Variants in ERFL observed in about 807,000 individuals in gnomAD.
The protein encoded by ERFL is ETS domain-containing transcription factor ERF-like.
A neutral mutation model predicts 27.9 loss-of-function variants in ERFL; 8 were observed. The ratio of observed to expected loss-of-function variants is 0.29; its 90% CI spans 0.17 to 0.52. The LOEUF is 0.52. ERFL is among the 20% of genes least tolerant of loss of function. The pLI is 0.97. For synonymous variants in ERFL, 174 were observed against 202.8 expected (o/e 0.86, Z 1.21); for missense variants, 294 against 444.4 (o/e 0.66, Z 3.04).
At chr19:41,911,106 C>G (rs1291429667) in intron 2 of ERFL, among the ~76,000 whole-genome samples, 1 of 152,162 alleles carries the variant, frequency 6.6e-6, no homozygotes, top group East Asian at 1.9e-4. Flanking sequence ...GAGCAACTTC[C>G]CAAACCTGCA....
In ERFL at chr19:41,914,637, CTCTCCCTCCCTTTCCACCATCTCT is replaced by C. The variant is rs1568831924; in HGVS notation, c.-13-1729_-13-1706del. 6.6e-4 allele frequency among the ~76,000 whole-genome samples: 32 copies of C among 48,182 alleles called. 6 individuals carry two copies. The highest frequency in any genetic ancestry group is 8.5e-4 in the Non-Finnish European group (24 of 28,274). The allele number at this position is 48,182 out of a possible 152,430, so 31.6% of individuals were successfully genotyped here. The stretch of plus-strand genomic sequence containing the variant: ...CCCCTTCCACCATCTCTGTCTCTGT[CTCTCCCTCCCTTTCCACCATCTCT>C]GTCTCTCCCTCCCCTTCCACCATCT... On this transcript the variant is annotated intron_variant, in intron 1 of 5. Coordinates refer to ENST00000597630, the MANE Select transcript of ERFL (RefSeq NM_001365103.2).
chr19:41,924,656 T>C (rs1223658653), intron 1 of ERFL, among the ~76,000 whole-genome samples: 1 of 152,122 alleles, frequency 6.6e-6, no homozygotes, highest in Non-Finnish European at 1.5e-5. Flanking sequence ...CTGATGCACA[T>C]TGAAGTCAGA....
chr19:41,925,661 G>T (rs1192975657), intron 1 of ERFL, among the ~76,000 whole-genome samples: 3 of 152,146 alleles, frequency 2.0e-5, no homozygotes, highest in Non-Finnish European at 4.4e-5. Flanking sequence ...GGTGGGGAAG[G>T]TGCTTCTGTT....
Position 41,910,062 on chromosome 19 carries a change from A to G in ERFL, c.103T>C (p.Ser35Pro), listed in dbSNP as rs1162823412. 6.2e-7 allele frequency: 1 copy of G among 1,613,106 alleles called. No homozygotes were observed. Among genetic ancestry groups the G allele is most frequent in the African/African-American group, 1.3e-5 (1 of 74,918 alleles). Reference sequence around the variant, plus strand: ...TGGATCTGCCTCGAGCCAGGGGATGACTCTGGCTTGTAGGCCCAATCCGGG... The same window carrying G: ...TGGATCTGCCTCGAGCCAGGGGATGGCTCTGGCTTGTAGGCCCAATCCGGG... ...AFPDWAYKPE[S>P]SPGSRQIQLW... Residue 35 changes from serine to proline, a missense_variant, in exon 3 of 6, where the codon TCA (serine) becomes CCA (proline). Ser to Pro is a moderately conservative substitution (Grantham distance 74, BLOSUM62 -1). Transcript: ENST00000597630. This position sits in a 1 kb window ranked among gnomAD's most constrained non-coding sequence, Gnocchi z 4.4.
chr19:41,921,137 G>A lies in ERFL; in HGVS notation c.-14+6903C>T, dbSNP rs545137872. On this transcript the variant is annotated intron_variant, in intron 1 of 5. Transcript: ENST00000597630. The surrounding 1 kb of genome is among the most constrained non-coding windows in gnomAD (Gnocchi z 4.4). ...ACAGCTCTGGGGGAGGGGAGAGGGA[G>A]GGTGGAGGCGCCACCGTGAGGCGAG... 6.6e-6 allele frequency among the ~76,000 whole-genome samples: 1 copy of A among 152,108 alleles called. No homozygotes were observed. Among genetic ancestry groups the A allele is most frequent in the African/African-American group, 2.4e-5 (1 of 41,494 alleles).
chr19:41,923,628 G>A (rs1423824925), intron 1 of ERFL, among the ~76,000 whole-genome samples: 2 of 114,910 alleles, frequency 1.7e-5, no homozygotes, highest in African/African-American at 7.1e-5. Flanking sequence ...AGGGTGGGTG[G>A]AAAGGAAAGG....
intron 1 of ERFL, among the ~76,000 whole-genome samples, chr19:41,918,249 CCATA>C (rs1555852122): frequency 6.6e-6 from 1 of 151,564 alleles, no homozygotes; most frequent in African/African-American, 2.4e-5. Context: ...CACAAACACA[CCATA>C]CATACACACC....
At chr19:41,915,906 T>C (rs1282475100) in intron 1 of ERFL, among the ~76,000 whole-genome samples, 1 of 152,036 alleles carries the variant, frequency 6.6e-6, no homozygotes, top group African/African-American at 2.4e-5. Context: ...CCAGTGGCTG[T>C]GGATGGGGAG....
Position 41,908,255 on chromosome 19 carries a change from C to T in ERFL, c.1038G>A (p.Lys346=). The T allele has an allele frequency of 8.1e-7, 1 of 1,231,726 alleles. No individual in the cohort carries two copies. 76.3% of individuals were successfully genotyped at this position (1,231,726 alleles called of 1,614,324 possible). ...DEGLPAPPKA[K]AGKGGTGS Reference sequence around the variant, plus strand: ...AGCTGCCGGTCCCCCCTTTGCCCGCCTTTGCCTTGGGGGGTGCCGGGAGAC... The same window carrying T: ...AGCTGCCGGTCCCCCCTTTGCCCGCTTTTGCCTTGGGGGGTGCCGGGAGAC... Residue 346 remains lysine (K), a synonymous_variant, in exon 6 of 6, where the codon AAG becomes AAA. Coordinates refer to ENST00000597630, the MANE Select transcript of ERFL (RefSeq NM_001365103.2). This position sits in a 1 kb window ranked among gnomAD's most constrained non-coding sequence, Gnocchi z 6.7.
rs1336177787 is a variant in ERFL at position 41,917,656 on chromosome 19, G to A, written c.-13-4724C>T. Among the ~76,000 whole-genome samples the A allele has an allele frequency of 6.6e-6, 1 of 151,200 alleles. No homozygotes were observed. Among genetic ancestry groups the A allele is most frequent in the Non-Finnish European group, 1.5e-5 (1 of 67,750 alleles). ...CATGCCCCAAAGCACACGCACGCAC[G>A]CACACACACACCCTGACTGCACCCA... On this transcript the variant is annotated intron_variant, in intron 1 of 5. Coordinates refer to ENST00000597630, the MANE Select transcript of ERFL (RefSeq NM_001365103.2). The surrounding 1 kb of genome is among the most constrained non-coding windows in gnomAD (Gnocchi z 4.8).
Position 41,916,254 on chromosome 19 carries a change from C to T in ERFL, c.-13-3322G>A, listed in dbSNP as rs905252648. Among the ~76,000 whole-genome samples the T allele has an allele frequency of 2.7e-5, 4 of 147,638 alleles. No homozygotes were observed. The highest frequency in any genetic ancestry group is 4.4e-5 in the Non-Finnish European group (3 of 67,818). The stretch of plus-strand genomic sequence containing the variant: ...CAGCCACACACACACCATCACATAC[C>T]ACACACTGCATGAGCCCACATGTCA... On this transcript the variant is annotated intron_variant, in intron 1 of 5. Transcript: ENST00000597630. This position sits in a 1 kb window ranked among gnomAD's most constrained non-coding sequence, Gnocchi z 5.4.
At chr19:41,911,828 C>A (rs1195506658) in intron 2 of ERFL, among the ~76,000 whole-genome samples, 1 of 152,156 alleles carries the variant, frequency 6.6e-6, no homozygotes, top group Non-Finnish European at 1.5e-5. Flanking sequence ...ACCTATGAGG[C>A]ACAGGCACAG....
At chr19:41,923,931 G>A (rs1183324125) in intron 1 of ERFL, among the ~76,000 whole-genome samples, 1 of 70,500 alleles carries the variant, frequency 1.4e-5, no homozygotes. Context: ...TGTGTGGGGA[G>A]GTAGGGGTAT....
At position 41,909,896 on chromosome 19, in the gene ERFL, T is replaced by A; in HGVS notation, c.269A>T (p.His90Leu). 6.2e-7 allele frequency: 1 copy of A among 1,613,488 alleles called. No individual in the cohort carries two copies. Among genetic ancestry groups the A allele is most frequent in the Admixed American group, 1.7e-5 (1 of 59,960 alleles). ...RLWGIRKCKP[H>L]MNYDKLSRAL... ...CCGGCTCAGCTTGTCGTAATTCATGTGGGGCTTGCATTTGCGAATACCCCA... is the reference window on the plus strand; with the variant it reads ...CCGGCTCAGCTTGTCGTAATTCATGAGGGGCTTGCATTTGCGAATACCCCA... The change falls in exon 3 of 6, where the codon CAC becomes CTC. Residue 90 changes from histidine (H) to leucine (L), a missense_variant. Physicochemically the swap from His to Leu is moderately conservative, Grantham distance 99. Around this residue, in one of 3 missense-constraint regions of ERFL, gnomAD observed 246 missense variants for 371.4 expected, o/e 0.66. Coordinates refer to ENST00000597630, the MANE Select transcript of ERFL (RefSeq NM_001365103.2). This position sits in a 1 kb window ranked among gnomAD's most constrained non-coding sequence, Gnocchi z 5.2.
intron 1 of ERFL, among the ~76,000 whole-genome samples, chr19:41,914,360 A>C (rs1599673853): frequency 3.0e-5 from 4 of 132,052 alleles, no homozygotes; most frequent in South Asian, 2.6e-4. Flanking sequence ...TCTCTCCTCC[A>C]CCAAGGGGGT....
intron 1 of ERFL, among the ~76,000 whole-genome samples, chr19:41,914,687 CTGT>C (rs2074782420): frequency 3.2e-5 from 1 of 31,696 alleles, no homozygotes; most frequent in Non-Finnish European, 5.1e-5. Flanking sequence ...TCCACCATCT[CTGT>C]CTCTCCCTCC....
At chr19:41,919,984 C>T (rs933278296) in intron 1 of ERFL, among the ~76,000 whole-genome samples, 2 of 133,930 alleles carry the variant, frequency 1.5e-5, no homozygotes, top group Non-Finnish European at 3.2e-5. Context: ...CGCCCACAGA[C>T]GTGACACACC....
chr19:41,919,956 G>T (rs115643853), intron 1 of ERFL, among the ~76,000 whole-genome samples: 11 of 125,710 alleles, frequency 8.8e-5, no homozygotes, highest in African/African-American at 3.0e-4. Flanking sequence ...CAGACGTGAC[G>T]AACTCACAGA....
intron 1 of ERFL, among the ~76,000 whole-genome samples, chr19:41,915,088 T>TC (rs1197128609): frequency 5.4e-5 from 4 of 73,562 alleles, no homozygotes; most frequent in Non-Finnish European, 1.0e-4. Flanking sequence ...CTCTCCCACC[T>TC]CCCGCTCTCT....
Sources: allele counts gnomAD v4.1 joint callset (sites outside exome capture counted in the v4.1 genomes callset), GRCh38; gene constraint gnomAD v4.1.1; regional missense constraint gnomAD v4.1.1; non-coding constraint Gnocchi (gnomAD v3.1); transcripts MANE v1.5; gene names NCBI Gene and HGNC (gene_info 2026-07-23, HGNC 2026-07-21).